VAT1L: variants seen among roughly 807,000 people sequenced by gnomAD.
VAT1L encodes the protein putative NADPH-dependent quinone oxidoreductase VAT1L.
VAT1L carries 34 observed loss-of-function variants against 44.1 expected under a neutral mutation model. The ratio of observed to expected loss-of-function variants is 0.77; its 90% CI spans 0.59 to 1.03. The LOEUF (loss-of-function observed/expected upper bound fraction) is 1.03, where lower values mean the gene tolerates loss of function less well. Among genes scored for constraint, VAT1L ranks in the 50% least tolerant of loss-of-function variants. The probability of loss-of-function intolerance (pLI) is 0.00; values close to 1 mark genes in which losing one functional copy is unlikely to be tolerated. For synonymous variants in VAT1L, 253 were observed against 202.2 expected (o/e 1.25, Z -2.13); for missense variants, 615 against 538.8 (o/e 1.14, Z -1.40).
chr16:77,823,514 T>C (rs2016484754), intron 2 of VAT1L, among the ~76,000 whole-genome samples: 1 of 152,062 alleles, frequency 6.6e-6, no homozygotes. Flanking sequence ...TGTGATGTCA[T>C]GGAAAAATAT....
chr16:77,976,146 A>G (rs1297009897), intron 8 of VAT1L, among the ~76,000 whole-genome samples: 1 of 152,212 alleles, frequency 6.6e-6, no homozygotes, highest in Non-Finnish European at 1.5e-5. Flanking sequence ...ACCTAGTGGT[A>G]GGGAAGAAAA....
At chr16:77,858,856 C>T (rs1355282961) in intron 3 of VAT1L, among the ~76,000 whole-genome samples, 1 of 152,022 alleles carries the variant, frequency 6.6e-6, no homozygotes, top group Non-Finnish European at 1.5e-5. Flanking sequence ...TTTAAAAAGG[C>T]TGGGCTTGGT....
At chr16:77,931,174 G>A (rs1365445652) in intron 7 of VAT1L, among the ~76,000 whole-genome samples, 2 of 152,278 alleles carry the variant, frequency 1.3e-5, no homozygotes, top group Admixed American at 6.5e-5. Flanking sequence ...ACTCTCAGAA[G>A]AAGTTTTAAT....
intron 7 of VAT1L, among the ~76,000 whole-genome samples, chr16:77,890,875 G>T (rs2017257842): frequency 6.7e-6 from 1 of 148,874 alleles, no homozygotes; most frequent in Non-Finnish European, 1.5e-5. Context: ...AGTGAGCTGA[G>T]ATCGTACCAC....
intron 3 of VAT1L, among the ~76,000 whole-genome samples, chr16:77,848,453 T>A (rs2016777673): frequency 6.6e-6 from 1 of 152,162 alleles, no homozygotes; most frequent in Non-Finnish European, 1.5e-5. Flanking sequence ...CATGTGGGAC[T>A]ATGCCTGGTC....
At chr16:77,947,261 T>G (rs751216383) in intron 7 of VAT1L, among the ~76,000 whole-genome samples, 2 of 152,196 alleles carry the variant, frequency 1.3e-5, no homozygotes, top group Non-Finnish European at 2.9e-5. Flanking sequence ...TGGATGAAGA[T>G]AAATCAAATT....
intron 7 of VAT1L, among the ~76,000 whole-genome samples, chr16:77,933,572 CT>C (rs1217673505): frequency 6.6e-6 from 1 of 151,958 alleles, no homozygotes; most frequent in Admixed American, 6.6e-5. Context: ...ATAAAATAAG[CT>C]AAAGGAATGG....
intron 7 of VAT1L, among the ~76,000 whole-genome samples, chr16:77,915,016 T>A (rs189323953): frequency 7.9e-5 from 12 of 152,142 alleles, no homozygotes; most frequent in Admixed American, 7.9e-4. Context: ...TCCCAGCTAC[T>A]CGGGAGGCTG....
intron 3 of VAT1L, among the ~76,000 whole-genome samples, chr16:77,833,246 G>C (rs146101221): frequency 6.6e-6 from 1 of 152,180 alleles, no homozygotes; most frequent in African/African-American, 2.4e-5. Flanking sequence ...ATTGATGGGC[G>C]TATAAATCAA....
At chr16:77,903,321 A>G (rs2017404253) in intron 7 of VAT1L, among the ~76,000 whole-genome samples, 1 of 152,114 alleles carries the variant, frequency 6.6e-6, no homozygotes, top group East Asian at 1.9e-4. Context: ...TTTCTTTTTC[A>G]TTTGGAGTCC....
Position 77,943,344 on chromosome 16 carries a change from G to A in VAT1L, c.1078-28506G>A, listed in dbSNP as rs184973027. Among the ~76,000 whole-genome samples, 25 of 150,966 alleles carry A rather than the reference G, an allele frequency of 1.7e-4. No homozygotes were observed. The East Asian group carries it at 2.8e-3, about 17-fold the overall frequency. Reference sequence around the variant, plus strand: ...AGTGCTGCGATTACAGATTACAGGCGTGAACCACCGCACTTGGCCTATTTT... The same window carrying A: ...AGTGCTGCGATTACAGATTACAGGCATGAACCACCGCACTTGGCCTATTTT... On this transcript the variant is annotated intron_variant, in intron 7 of 8. Transcript: ENST00000302536.
Position 77,980,009 on chromosome 16 carries a change from A to G in VAT1L, c.*2314A>G, listed in dbSNP as rs1488001520. On this transcript the variant is annotated 3_prime_UTR_variant, in exon 9 of 9. Transcript: ENST00000302536. ...TAGAAGTGAACTGAAACATTGTCTA[A>G]TGTCTTTGTGGCTTTAGAGCTTTTG... 6.5e-6 allele frequency: 1 copy of G among 152,764 alleles called. No homozygotes were observed. The highest frequency in any genetic ancestry group is 1.9e-4 in the East Asian group (1 of 5,182). 9.5% of individuals were successfully genotyped at this position (152,764 alleles called of 1,614,324 possible).
intron 7 of VAT1L, among the ~76,000 whole-genome samples, chr16:77,930,763 C>G (rs1340997955): frequency 6.6e-6 from 1 of 152,090 alleles, no homozygotes; most frequent in East Asian, 1.9e-4. Flanking sequence ...CAGAGTTGTT[C>G]AAGGGGGCAT....
intron 7 of VAT1L, among the ~76,000 whole-genome samples, chr16:77,952,645 T>G (rs2018057075): frequency 6.6e-6 from 1 of 151,876 alleles, no homozygotes; most frequent in Non-Finnish European, 1.5e-5. Context: ...GATCCCGAGG[T>G]CAGGAGTTTG....
chr16:77,795,205 C>T (rs1026695971), intron 1 of VAT1L, among the ~76,000 whole-genome samples: 40 of 150,170 alleles, frequency 2.7e-4, no homozygotes, highest in Non-Finnish European at 4.1e-4. Flanking sequence ...TTTTTCCATT[C>T]TGCTGCTAAA....
At chr16:77,821,941 T>C (rs1411161719) in intron 2 of VAT1L, among the ~76,000 whole-genome samples, 1 of 152,118 alleles carries the variant, frequency 6.6e-6, no homozygotes, top group Non-Finnish European at 1.5e-5. Context: ...GCAGAAATAG[T>C]AGATACAAAA....
At chr16:77,805,863 G>A (rs1233981091) in intron 1 of VAT1L, among the ~76,000 whole-genome samples, 1 of 54,226 alleles carries the variant, frequency 1.8e-5, no homozygotes, top group South Asian at 6.8e-4. Context: ...CTTAGTCTCT[G>A]CCTTTTTTTT....
chr16:77,866,795 G>A (rs190526116), intron 4 of VAT1L, among the ~76,000 whole-genome samples: 2 of 152,286 alleles, frequency 1.3e-5, no homozygotes, highest in South Asian at 2.1e-4. Flanking sequence ...TAGGAGGAGA[G>A]AGATGATTAT....
intron 7 of VAT1L, among the ~76,000 whole-genome samples, chr16:77,953,527 T>C (rs2018068189): frequency 1.3e-5 from 2 of 151,996 alleles, no homozygotes; most frequent in South Asian, 4.2e-4. Context: ...CCTATTTACA[T>C]TTCTTTTTGT....
Sources: allele counts gnomAD v4.1 joint callset (sites outside exome capture counted in the v4.1 genomes callset), GRCh38; gene constraint gnomAD v4.1.1; transcripts MANE v1.5; gene names NCBI Gene and HGNC (gene_info 2026-07-23, HGNC 2026-07-21).